The following TRAPPC9 variants were observed in gnomAD, a reference collection of about 807,000 sequenced individuals.
TRAPPC9 encodes trafficking protein particle complex subunit 9, also known as IKK2 binding protein.
A neutral mutation model predicts 124.0 loss-of-function variants in TRAPPC9; 83 were observed. The observed-to-expected ratio is 0.67, with a 90% CI of 0.56 to 0.80. The LOEUF (loss-of-function observed/expected upper bound fraction) is 0.80, where lower values mean the gene tolerates loss of function less well. Among genes scored for constraint, TRAPPC9 ranks in the 30% least tolerant of loss-of-function variants. The pLI is 0.00. For synonymous variants in TRAPPC9, 638 were observed against 617.5 expected, an observed-to-expected ratio of 1.03 and a Z score of -0.49; for missense variants, 1,302 against 1,508.3, an observed-to-expected ratio of 0.86 and a Z score of 2.27.
Position 139,904,122 on chromosome 8 carries a change from G to A in TRAPPC9, c.2964+6025C>T, listed in dbSNP as rs1394623458. ...GGTCCACACCTGATTTTGAGCATCTGGTGTGCCCTGGTGTTCAGTCCAACC... is the reference window on the plus strand; with the variant it reads ...GGTCCACACCTGATTTTGAGCATCTAGTGTGCCCTGGTGTTCAGTCCAACC... On this transcript the variant is annotated intron_variant, in intron 20 of 22. Coordinates refer to ENST00000438773, the MANE Select transcript of TRAPPC9 (RefSeq NM_001160372.4). 1.3e-4 allele frequency among the ~76,000 whole-genome samples: 20 copies of A among 152,170 alleles called. 1 individual carries two copies. The highest frequency in any genetic ancestry group is 1.3e-3 in the Admixed American group (20 of 15,278).
Position 139,991,237 on chromosome 8 carries a change from ATT to A in TRAPPC9, c.2700-2403_2700-2402del, listed in dbSNP as rs1837621804. ...AGCCTGGAATAAAAGGTTCAAATATATTTTGTTTTCACTCACAGAATACGGTG... is the reference window on the plus strand; with the variant it reads ...AGCCTGGAATAAAAGGTTCAAATATATTGTTTTCACTCACAGAATACGGTG... On this transcript the variant is annotated intron_variant, in intron 18 of 22. Coordinates refer to ENST00000438773, the MANE Select transcript of TRAPPC9 (RefSeq NM_001160372.4). Among the ~76,000 whole-genome samples, 4 of 152,316 alleles carry A rather than the reference ATT, an allele frequency of 2.6e-5. No homozygotes were observed. The South Asian group carries it at 8.3e-4, about 32-fold the overall frequency.
At chr8:140,378,618 C>G (rs1397742273) in intron 7 of TRAPPC9, among the ~76,000 whole-genome samples, 2 of 152,178 alleles carry the variant, frequency 1.3e-5, no homozygotes, top group Non-Finnish European at 2.9e-5. Flanking sequence ...CTAGAGAACC[C>G]TGACTAATAC....
intron 17 of TRAPPC9, among the ~76,000 whole-genome samples, chr8:140,157,693 T>TA (rs895089609): frequency 1.3e-3 from 184 of 145,494 alleles, no homozygotes; most frequent in African/African-American, 2.8e-3. Context: ...AATCTTTCTT[T>TA]AAAAAAAAAA....
chr8:139,871,071 T>C (rs1828868952), intron 21 of TRAPPC9, among the ~76,000 whole-genome samples: 2 of 152,296 alleles, frequency 1.3e-5, no homozygotes, highest in South Asian at 2.1e-4. Flanking sequence ...GGTGGTTTTA[T>C]GTATCTGATG....
At chr8:140,306,155 G>GA (rs2066124804) in intron 10 of TRAPPC9, among the ~76,000 whole-genome samples, 1 of 152,008 alleles carries the variant, frequency 6.6e-6, no homozygotes, top group Admixed American at 6.6e-5. Flanking sequence ...TATCTTGGGG[G>GA]AAAAAAGATC....
intron 7 of TRAPPC9, among the ~76,000 whole-genome samples, 185 bp downstream of exon 7, chr8:140,397,435 T>G (rs1434195397): frequency 6.6e-6 from 1 of 152,154 alleles, no homozygotes; most frequent in Non-Finnish European, 1.5e-5. Flanking sequence ...ATTTTGAAAG[T>G]TAAATACCAC....
At chr8:139,783,283 T>G (rs1821965157) in intron 21 of TRAPPC9, among the ~76,000 whole-genome samples, 1 of 152,132 alleles carries the variant, frequency 6.6e-6, no homozygotes, top group Non-Finnish European at 1.5e-5. Context: ...TCTATAAATC[T>G]CTAGCCAAAC....
chr8:140,377,694 A>G (rs1241177383), intron 7 of TRAPPC9, among the ~76,000 whole-genome samples: 1 of 152,030 alleles, frequency 6.6e-6, no homozygotes, highest in Non-Finnish European at 1.5e-5. Flanking sequence ...AAGACCATAC[A>G]CAGCTAAAAC....
At chr8:140,108,647 C>G (rs118068117) in intron 17 of TRAPPC9, among the ~76,000 whole-genome samples, 2,493 of 152,328 alleles carry the variant, frequency 0.016, 32 homozygotes, top group South Asian at 0.061. Context: ...GACTCCCCGA[C>G]CTTAGAAGAG....
intron 17 of TRAPPC9, among the ~76,000 whole-genome samples, chr8:140,135,756 C>T (rs1456256841): frequency 6.6e-6 from 1 of 152,138 alleles, no homozygotes; most frequent in African/African-American, 2.4e-5. Context: ...CACTGGCTTG[C>T]ACATGTGAAA....
intron 17 of TRAPPC9, among the ~76,000 whole-genome samples, chr8:140,208,087 T>C (rs1191569914): frequency 6.6e-6 from 1 of 151,602 alleles, no homozygotes; most frequent in Non-Finnish European, 1.5e-5. Flanking sequence ...AAGGCAGAGG[T>C]TGCAGTGTGC....
chr8:139,867,514 A>G (rs1828627466), intron 21 of TRAPPC9, among the ~76,000 whole-genome samples: 1 of 152,226 alleles, frequency 6.6e-6, no homozygotes, highest in African/African-American at 2.4e-5. Context: ...GTAACAACAA[A>G]GAGACAAGGA....
At chr8:140,455,622 G>A (rs1344673781) in intron 1 of TRAPPC9, among the ~76,000 whole-genome samples, 3 of 151,184 alleles carry the variant, frequency 2.0e-5, no homozygotes, top group African/African-American at 7.3e-5. Flanking sequence ...GTAGAGAGGG[G>A]GTTTCACCAT....
At chr8:139,990,921 A>G (rs1192192559) in intron 18 of TRAPPC9, among the ~76,000 whole-genome samples, 1 of 152,098 alleles carries the variant, frequency 6.6e-6, no homozygotes, top group Non-Finnish European at 1.5e-5. Context: ...GCACAGCGTC[A>G]ACAGGGTGCC....
chr8:139,856,015 C>T (rs1433770865), intron 21 of TRAPPC9, among the ~76,000 whole-genome samples: 2 of 152,192 alleles, frequency 1.3e-5, no homozygotes, highest in Non-Finnish European at 2.9e-5. Flanking sequence ...AGTTCCCCAA[C>T]TCCGAGTCCC....
intron 21 of TRAPPC9, among the ~76,000 whole-genome samples, chr8:139,839,796 G>A (rs565654378): frequency 2.7e-4 from 41 of 152,290 alleles, no homozygotes; most frequent in African/African-American, 9.6e-4. Flanking sequence ...TCCAAAGGGA[G>A]AGTGGGCATG....
chr8:140,131,907 C>G (rs2061215338), intron 17 of TRAPPC9, among the ~76,000 whole-genome samples: 2 of 152,218 alleles, frequency 1.3e-5, no homozygotes, highest in African/African-American at 4.8e-5. Flanking sequence ...TGGAGTCAGC[C>G]CTCTTCCCAG....
chr8:139,797,848 T>C (rs1385467532), intron 21 of TRAPPC9, among the ~76,000 whole-genome samples: 2 of 152,264 alleles, frequency 1.3e-5, no homozygotes, highest in Non-Finnish European at 2.9e-5. Context: ...TTTCAGTCTG[T>C]TGATCTGTAC....
intron 17 of TRAPPC9, among the ~76,000 whole-genome samples, chr8:140,220,333 GTGCAGT>G (rs2063309219): frequency 6.6e-6 from 1 of 152,148 alleles, no homozygotes. Context: ...TGCATGTGCC[GTGCAGT>G]TGCACTCTGG....
Sources: allele counts gnomAD v4.1 joint callset (sites outside exome capture counted in the v4.1 genomes callset), GRCh38; gene constraint gnomAD v4.1.1; transcripts MANE v1.5; gene names NCBI Gene and HGNC (gene_info 2026-07-23, HGNC 2026-07-21).